The following CPEB3 variants were observed in gnomAD, a reference collection of about 807,000 sequenced individuals.
The protein encoded by CPEB3 is cytoplasmic polyadenylation element-binding protein 3.
A neutral mutation model predicts 67.2 loss-of-function variants in CPEB3; 20 were observed. That is an observed-to-expected ratio of 0.30 (90% CI 0.21 to 0.43). CPEB3 has a LOEUF of 0.43. CPEB3 is among the 20% of genes least tolerant of loss of function. The pLI is 1.00. For synonymous variants in CPEB3, 376 were observed against 393.1 expected (o/e 0.96, Z 0.51); for missense variants, 746 against 968.6 (o/e 0.77, Z 3.05).
intron 4 of CPEB3, among the ~76,000 whole-genome samples, chr10:92,172,926 T>C (rs570637396): frequency 1.3e-5 from 2 of 152,328 alleles, no homozygotes; most frequent in South Asian, 2.1e-4. Flanking sequence ...AAAGGAAGAA[T>C]TAAAGCACAT....
intron 4 of CPEB3, among the ~76,000 whole-genome samples, chr10:92,173,539 G>A (rs953711928): frequency 2.0e-5 from 3 of 152,068 alleles, no homozygotes; most frequent in South Asian, 2.1e-4. Context: ...CAAAGACACC[G>A]AATTTGCATG....
chr10:92,162,083 T>G (rs2133957501), intron 4 of CPEB3, among the ~76,000 whole-genome samples: 1 of 152,288 alleles, frequency 6.6e-6, no homozygotes, highest in South Asian at 2.1e-4. Flanking sequence ...GTCTATCTAC[T>G]CCCTCTAAGA....
chr10:92,240,190 G>T lies in CPEB3; in HGVS notation c.161C>A (p.Pro54Gln), dbSNP rs750694522. Residue 54 changes from proline to glutamine, a missense_variant, in exon 2 of 10, where the codon CCG becomes CAG. Pro to Gln is a moderately conservative substitution (Grantham distance 76). Coordinates refer to ENST00000265997, the MANE Select transcript of CPEB3 (RefSeq NM_014912.5). ...GGGGGCAGCGGCTGGGCTGAGGGCC[G>T]GCACTGCGCTGTTTTCCTCCGGCTT... ...TPKPEENSAVPALSPAAAPPA... is the reference protein window; with the variant it reads ...TPKPEENSAVQALSPAAAPPA... 4.6e-6 allele frequency: 7 copies of T among 1,523,370 alleles called. No homozygotes were observed. The highest frequency in any genetic ancestry group is 6.2e-6 in the Non-Finnish European group (7 of 1,133,316). The allele number at this position is 1,523,370 out of a possible 1,614,324, so 94.4% of individuals were successfully genotyped here.
intron 2 of CPEB3, among the ~76,000 whole-genome samples, chr10:92,225,577 T>C (rs1850932102): frequency 6.6e-6 from 1 of 152,144 alleles, no homozygotes; most frequent in Non-Finnish European, 1.5e-5. Context: ...ACATTTTGTA[T>C]AATGGATTGT....
chr10:92,241,781 T>C (rs941951492), intron 1 of CPEB3, among the ~76,000 whole-genome samples: 3 of 152,146 alleles, frequency 2.0e-5, no homozygotes, highest in African/African-American at 7.2e-5. Context: ...TATATAAATA[T>C]TACAGTGCTG....
intron 8 of CPEB3, among the ~76,000 whole-genome samples, chr10:92,089,259 G>C (rs866340598): frequency 6.6e-5 from 10 of 152,126 alleles, no homozygotes; most frequent in African/African-American, 1.9e-4. Context: ...AAAAGTTGCA[G>C]ATGTTAACTT....
intron 6 of CPEB3, among the ~76,000 whole-genome samples, chr10:92,134,643 C>T (rs1422206858): frequency 6.6e-6 from 1 of 151,888 alleles, no homozygotes; most frequent in Non-Finnish European, 1.5e-5. Flanking sequence ...TGACTTTCTT[C>T]ACAGAATTGG....
intron 8 of CPEB3, among the ~76,000 whole-genome samples, chr10:92,086,543 CTGAACTCTGCTTCATCATCTCGAA>C (rs1843382398): frequency 6.6e-6 from 1 of 152,198 alleles, no homozygotes; most frequent in African/African-American, 2.4e-5. Context: ...GTTACTCTAT[CTGAACTCTGCTTCATCATCTCGAA>C]AGCGCAGTCT....
intron 2 of CPEB3, among the ~76,000 whole-genome samples, chr10:92,196,654 A>G (rs866135031): frequency 5.9e-5 from 9 of 151,864 alleles, no homozygotes; most frequent in African/African-American, 1.7e-4. Flanking sequence ...TGTAGTCCCA[A>G]CTACTCGGGA....
At chr10:92,216,654 T>C (rs1391744938) in intron 2 of CPEB3, 13 of 1,606,926 alleles carry the variant, frequency 8.1e-6, no homozygotes, top group African/African-American at 1.3e-5. Context: ...TATGTCTATA[T>C]CCCCTCTAAG....
At chr10:92,259,984 G>C (rs1375691663) in intron 1 of CPEB3, among the ~76,000 whole-genome samples, 1 of 152,110 alleles carries the variant, frequency 6.6e-6, no homozygotes, top group Admixed American at 6.5e-5. Flanking sequence ...GCAGAACTAG[G>C]ACCTAATTTC....
At chr10:92,075,443 A>G (rs1312800745) in intron 9 of CPEB3, among the ~76,000 whole-genome samples, 1 of 152,200 alleles carries the variant, frequency 6.6e-6, no homozygotes, top group Non-Finnish European at 1.5e-5. Context: ...TTAAAAAAAT[A>G]CCTCTGTGTT....
intron 6 of CPEB3, among the ~76,000 whole-genome samples, chr10:92,122,939 A>G (rs1328180407): frequency 3.3e-5 from 5 of 152,234 alleles, no homozygotes; most frequent in Non-Finnish European, 7.3e-5. Flanking sequence ...ATTCAGAACT[A>G]AACATATTTC....
At chr10:92,053,429 T>A (rs1378114946) in intron 9 of CPEB3, among the ~76,000 whole-genome samples, 3 of 152,062 alleles carry the variant, frequency 2.0e-5, no homozygotes, top group Admixed American at 6.6e-5. Context: ...AGTGGTGCGA[T>A]CTCGGCTCAC....
At position 92,050,033 on chromosome 10, in the gene CPEB3, C is replaced by T. The variant is rs1466544570; in HGVS notation, c.*2179G>A. The T allele has an allele frequency of 6.6e-6, 1 of 151,560 alleles. No individual in the cohort carries two copies. The highest frequency in any genetic ancestry group is 1.5e-5 in the Non-Finnish European group (1 of 67,812). The allele number at this position is 151,560 out of a possible 1,614,324, so 9.4% of individuals were successfully genotyped here. ...TCAAAATTGAGGTATTGCAAAAGATCATGTCAGTCAGAAAGCATGCCTTTT... is the reference window on the plus strand; with the variant it reads ...TCAAAATTGAGGTATTGCAAAAGATTATGTCAGTCAGAAAGCATGCCTTTT... On this transcript the variant is annotated 3_prime_UTR_variant, in exon 10 of 10. Transcript: ENST00000265997.
At chr10:92,193,891 G>A (rs1849105012) in intron 2 of CPEB3, among the ~76,000 whole-genome samples, 1 of 150,070 alleles carries the variant, frequency 6.7e-6, no homozygotes, top group South Asian at 2.1e-4. Context: ...CCGCCTCCTG[G>A]GTTCACGCCA....
At chr10:92,201,779 C>T (rs950822994) in intron 2 of CPEB3, among the ~76,000 whole-genome samples, 2 of 152,128 alleles carry the variant, frequency 1.3e-5, no homozygotes, top group Admixed American at 6.6e-5. Flanking sequence ...ACATGTAGCT[C>T]CTAATATTAT....
intron 6 of CPEB3, among the ~76,000 whole-genome samples, chr10:92,141,724 C>T (rs1227737719): frequency 6.7e-6 from 1 of 148,326 alleles, no homozygotes; most frequent in Non-Finnish European, 1.5e-5. Context: ...AGAAAACATA[C>T]CAAAAAAAAA....
At chr10:92,249,668 AGT>A (rs1852211878) in intron 1 of CPEB3, among the ~76,000 whole-genome samples, 1 of 150,806 alleles carries the variant, frequency 6.6e-6, no homozygotes, top group African/African-American at 2.4e-5. Flanking sequence ...AAAATAAAAA[AGT>A]AAAAAAAAAT....
Sources: allele counts gnomAD v4.1 joint callset (sites outside exome capture counted in the v4.1 genomes callset), GRCh38; gene constraint gnomAD v4.1.1; transcripts MANE v1.5; gene names NCBI Gene and HGNC (gene_info 2026-07-23, HGNC 2026-07-21).